The following THSD4 variants were observed in gnomAD, a reference collection of about 807,000 sequenced individuals.
THSD4 encodes the protein thrombospondin type 1 domain containing 4.
A neutral mutation model predicts 119.0 loss-of-function variants in THSD4; 69 were observed. The observed-to-expected ratio is 0.58, with a 90% CI of 0.48 to 0.71. The LOEUF (loss-of-function observed/expected upper bound fraction) is 0.71, where lower values mean the gene tolerates loss of function less well. THSD4 is among the 30% of genes least tolerant of loss of function. THSD4 has a pLI of 0.00. For missense variants in THSD4, 1,393 were observed against 1,391.1 expected (o/e 1.00, Z -0.02); for synonymous variants, 524 against 540.4 (o/e 0.97, Z 0.42).
At chr15:71,553,635 G>C (rs1485695724) in intron 7 of THSD4, among the ~76,000 whole-genome samples, 1 of 152,104 alleles carries the variant, frequency 6.6e-6, no homozygotes, top group Non-Finnish European at 1.5e-5. Flanking sequence ...ACTTAAATGG[G>C]AATGTTTCTA....
intron 7 of THSD4, among the ~76,000 whole-genome samples, chr15:71,591,040 T>C (rs1435162929): frequency 9.4e-6 from 1 of 106,832 alleles, no homozygotes; most frequent in Non-Finnish European, 2.1e-5. Context: ...AAAAAAAAGT[T>C]GAAGAAAAAA....
At chr15:71,375,519 C>G (rs970130644) in intron 6 of THSD4, among the ~76,000 whole-genome samples, 2 of 152,124 alleles carry the variant, frequency 1.3e-5, no homozygotes, top group African/African-American at 4.8e-5. Flanking sequence ...TTTTTGGGAG[C>G]AGGGACTTTG....
chr15:71,724,636 G>A (rs1413994178), intron 8 of THSD4, among the ~76,000 whole-genome samples: 1 of 152,042 alleles, frequency 6.6e-6, no homozygotes, highest in Non-Finnish European at 1.5e-5. Context: ...GCCATCGTTG[G>A]TAATCTAATC....
chr15:71,561,175 C>T (rs530233700), intron 7 of THSD4, among the ~76,000 whole-genome samples: 1 of 152,026 alleles, frequency 6.6e-6, no homozygotes, highest in South Asian at 2.1e-4. Context: ...GGAGTTTCAC[C>T]GTGTTAGCCA....
chr15:71,607,934 T>A (rs980602598), intron 7 of THSD4, among the ~76,000 whole-genome samples: 1 of 152,028 alleles, frequency 6.6e-6, no homozygotes, highest in Non-Finnish European at 1.5e-5. Flanking sequence ...TTAAAAAATA[T>A]ATACTTAGCC....
intron 6 of THSD4, among the ~76,000 whole-genome samples, chr15:71,386,572 T>G (rs2046295926): frequency 6.6e-6 from 1 of 152,116 alleles, no homozygotes; most frequent in South Asian, 2.1e-4. Context: ...AGACATAAAT[T>G]TATAGAAAAA....
intron 6 of THSD4, among the ~76,000 whole-genome samples, chr15:71,309,690 CT>C (rs1470591032): frequency 6.6e-6 from 1 of 152,222 alleles, no homozygotes; most frequent in African/African-American, 2.4e-5. Flanking sequence ...CAACTTCATT[CT>C]TTTGCATGTG....
chr15:71,453,705 G>A (rs1489285436), intron 7 of THSD4, among the ~76,000 whole-genome samples: 2 of 152,200 alleles, frequency 1.3e-5, no homozygotes, highest in Non-Finnish European at 2.9e-5. Flanking sequence ...CAGACACTGA[G>A]GGATGTGGGT....
chr15:71,133,224 G>C (rs1189362174), intron 1 of THSD4, among the ~76,000 whole-genome samples: 1 of 152,144 alleles, frequency 6.6e-6, no homozygotes, highest in African/African-American at 2.4e-5. Context: ...ATCTCATCAC[G>C]GCTGTTTATT....
At chr15:71,532,277 AGAGAGAGTGTGTGTGTGTGT>A (rs957861146) in intron 7 of THSD4, among the ~76,000 whole-genome samples, 3 of 122,962 alleles carry the variant, frequency 2.4e-5, no homozygotes, top group African/African-American at 9.6e-5. Context: ...AGAGAGAGAG[AGAGAGAGTGTGTGTGTGTGT>A]GTGTGTGTGT....
intron 7 of THSD4, among the ~76,000 whole-genome samples, chr15:71,447,599 T>A (rs2047203485): frequency 2.0e-5 from 3 of 152,232 alleles, no homozygotes; most frequent in Admixed American, 2.0e-4. Context: ...TGTCTTTTAG[T>A]ATCTGTCATA....
intron 5 of THSD4, among the ~76,000 whole-genome samples, chr15:71,251,830 G>C (rs750639331): frequency 6.6e-6 from 1 of 151,982 alleles, no homozygotes; most frequent in African/African-American, 2.4e-5. Context: ...GATTAACCAG[G>C]GTCACTAGAA....
At chr15:71,393,492 T>C (rs188161901) in intron 6 of THSD4, among the ~76,000 whole-genome samples, 1 of 152,174 alleles carries the variant, frequency 6.6e-6, no homozygotes, top group Admixed American at 6.5e-5. Flanking sequence ...CCTTGTAGAA[T>C]CTCAGGGAAA....
intron 7 of THSD4, among the ~76,000 whole-genome samples, chr15:71,585,926 T>A (rs2049660373): frequency 6.6e-6 from 1 of 152,196 alleles, no homozygotes; most frequent in South Asian, 2.1e-4. Flanking sequence ...AGTGCCAGGA[T>A]TTTTTATAGT....
rs763087820 is a variant in THSD4, at chr15:71,242,753, G to A, written c.569G>A (p.Arg190Gln). 63 of 1,614,006 alleles carry A rather than the reference G, an allele frequency of 3.9e-5. No individual in the cohort carries two copies. In the East Asian group the frequency reaches 5.1e-4, roughly 13 times the overall value. Residue 190 changes from arginine (R) to glutamine (Q), a missense_variant, in exon 5 of 18, where the codon CGG becomes CAG. Physicochemically the swap from Arg to Gln is conservative, Grantham distance 43. Coordinates refer to ENST00000261862, the MANE Select transcript of THSD4 (RefSeq NM_024817.3). Reference sequence around the variant, plus strand: ...ACTGCACACACGCCACAGAGGCTCCGGAGACAGAAGCTCTCATCCCGCCAT... The same window carrying A: ...ACTGCACACACGCCACAGAGGCTCCAGAGACAGAAGCTCTCATCCCGCCAT... ...TDTAHTPQRL[R>Q]RQKLSSRHSR...
intron 3 of THSD4, among the ~76,000 whole-genome samples, chr15:71,209,364 A>C (rs1236019119): frequency 6.6e-6 from 1 of 152,232 alleles, no homozygotes; most frequent in Non-Finnish European, 1.5e-5. Flanking sequence ...TCTGAACCTC[A>C]GTGACTACAT....
At chr15:71,669,007 CTGTAG>C (rs1255452607) in intron 8 of THSD4, among the ~76,000 whole-genome samples, 1 of 152,098 alleles carries the variant, frequency 6.6e-6, no homozygotes, top group African/African-American at 2.4e-5. Context: ...ATAAATAATT[CTGTAG>C]GATAGACTCT....
At chr15:71,457,675 C>T (rs1372215475) in intron 7 of THSD4, among the ~76,000 whole-genome samples, 1 of 152,192 alleles carries the variant, frequency 6.6e-6, no homozygotes, top group African/African-American at 2.4e-5. Context: ...CAGGCTCACT[C>T]ATTCACTTCT....
At chr15:71,158,698 G>A (rs755905103) in intron 3 of THSD4, among the ~76,000 whole-genome samples, 13 of 148,818 alleles carry the variant, frequency 8.7e-5, no homozygotes, top group Non-Finnish European at 1.6e-4. Flanking sequence ...TACATATTCT[G>A]GATATTAGCC....
Sources: allele counts gnomAD v4.1 joint callset (sites outside exome capture counted in the v4.1 genomes callset), GRCh38; gene constraint gnomAD v4.1.1; transcripts MANE v1.5; gene names NCBI Gene and HGNC (gene_info 2026-07-23, HGNC 2026-07-21).